DIAPH3: variants seen among roughly 807,000 people sequenced by gnomAD.
DIAPH3 encodes the protein protein diaphanous homolog 3.
In DIAPH3, 117 loss-of-function variants were observed where a neutral mutation model predicts 144.3. The ratio of observed to expected loss-of-function variants is 0.81; its 90% confidence interval spans 0.70 to 0.95. The LOEUF (loss-of-function observed/expected upper bound fraction) is 0.95. Ranked by LOEUF, DIAPH3 falls within the 40% of genes least tolerant of loss-of-function variation. DIAPH3 has a pLI of 0.00. For synonymous variants in DIAPH3, 519 were observed against 488.9 expected, an observed-to-expected ratio of 1.06 and a Z score of -0.81; for missense variants, 1,421 against 1,412.7, an observed-to-expected ratio of 1.01 and a Z score of -0.09.
rs1181809149 is a variant in DIAPH3 at position 59,722,997 on chromosome 13, T to C, written c.3319+51192A>G. Among the ~76,000 whole-genome samples, 3 of 152,174 alleles carry C rather than the reference T, an allele frequency of 2.0e-5. No individual in the cohort carries two copies. The East Asian group carries it at 5.8e-4, about 29-fold the overall frequency. ...CCTATACAGCATGCCAGCACATACA[T>C]ACCCCTTCCAAGAAATGGATTTCCT... On this transcript the variant is annotated intron_variant, in intron 27 of 27. Transcript: ENST00000400324.
intron 23 of DIAPH3, among the ~76,000 whole-genome samples, chr13:59,835,971 A>T (rs749619197): frequency 6.6e-6 from 1 of 151,900 alleles, no homozygotes; most frequent in African/African-American, 2.4e-5. Flanking sequence ...ATAGAATAAC[A>T]CACAAAAAAA....
chr13:59,720,922 T>C (rs1001263369), intron 27 of DIAPH3, among the ~76,000 whole-genome samples: 14 of 152,114 alleles, frequency 9.2e-5, no homozygotes, highest in Non-Finnish European at 1.6e-4. Context: ...AAAGTATATA[T>C]GTAGGGTGGG....
chr13:59,880,151 G>C (rs1229040332), intron 20 of DIAPH3, among the ~76,000 whole-genome samples: 3 of 152,134 alleles, frequency 2.0e-5, no homozygotes, highest in Non-Finnish European at 4.4e-5. Context: ...TTTCTCTACT[G>C]GGAATGTGGG....
At chr13:59,912,577 A>G (rs2047045512) in intron 19 of DIAPH3, among the ~76,000 whole-genome samples, 2 of 152,268 alleles carry the variant, frequency 1.3e-5, no homozygotes, top group Admixed American at 6.5e-5. Context: ...TGATTAAACA[A>G]TCCCTTGGAC....
rs1477779631 is a variant in DIAPH3 at position 59,802,678 on chromosome 13, T to TA, written c.3163+8109_3163+8110insT. 1.2e-4 allele frequency among the ~76,000 whole-genome samples: 8 copies of TA among 69,258 alleles called. No individual in the cohort carries two copies. In the East Asian group the frequency reaches 2.7e-3, roughly 23 times the overall value. The allele number at this position is 69,258 out of a possible 152,430, so 45.4% of individuals were successfully genotyped here. Reference sequence around the variant, plus strand: ...TTATTATTATTATTATTTTTTTTTTTTTTTTTTTTTTTTTGAGACAGAGTC... The same window carrying TA: ...TTATTATTATTATTATTTTTTTTTTTATTTTTTTTTTTTTTGAGACAGAGTC... On this transcript the variant is annotated intron_variant, in intron 25 of 27. Coordinates refer to ENST00000400324, the MANE Select transcript of DIAPH3 (RefSeq NM_001042517.2).
intron 1 of DIAPH3, among the ~76,000 whole-genome samples, chr13:60,135,692 C>A (rs971960488): frequency 1.3e-5 from 2 of 152,142 alleles, no homozygotes; most frequent in Non-Finnish European, 2.9e-5. Flanking sequence ...TTTCTTTCTA[C>A]ACCAAAACAA....
intron 27 of DIAPH3, among the ~76,000 whole-genome samples, chr13:59,700,201 CTAA>C (rs1439495040): frequency 6.6e-6 from 1 of 152,140 alleles, no homozygotes; most frequent in African/African-American, 2.4e-5. Context: ...AAGAGCAATT[CTAA>C]TAATGATGTA....
At chr13:59,804,908 T>C (rs983740893) in intron 25 of DIAPH3, among the ~76,000 whole-genome samples, 4 of 152,166 alleles carry the variant, frequency 2.6e-5, no homozygotes, top group Non-Finnish European at 5.9e-5. Flanking sequence ...GGCAGAGACA[T>C]TCCGAAGTAG....
rs1401535317 is a variant in DIAPH3, at chr13:60,027,908, C to T, written c.627-11763G>A. On this transcript the variant is annotated intron_variant, in intron 5 of 27. Coordinates refer to ENST00000400324, the MANE Select transcript of DIAPH3 (RefSeq NM_001042517.2). ...TGGTCACATTTCAGGCTTTTCACCG[C>T]TTGTCCCCACCCTAAATACTTGTCA... Among the ~76,000 whole-genome samples the T allele has an allele frequency of 2.0e-5, 3 of 152,244 alleles. No homozygotes were observed. In the East Asian group the frequency reaches 5.8e-4, roughly 29 times the overall value.
At chr13:59,795,672 C>A (rs1468771609) in intron 25 of DIAPH3, among the ~76,000 whole-genome samples, 1 of 151,920 alleles carries the variant, frequency 6.6e-6, no homozygotes, top group Non-Finnish European at 1.5e-5. Flanking sequence ...CTAAGATGGT[C>A]TCGATCTCCT....
chr13:59,923,232 G>C lies in DIAPH3; in HGVS notation c.2170+1543C>G, dbSNP rs140693924. Reference sequence around the variant, plus strand: ...ATTCTATTAAACATTATATTTCTTCGGGAACTATTACAAGACTATTTAGAA... The same window carrying C: ...ATTCTATTAAACATTATATTTCTTCCGGAACTATTACAAGACTATTTAGAA... On this transcript the variant is annotated intron_variant, in intron 18 of 27. Transcript: ENST00000400324. Among the ~76,000 whole-genome samples, 14 of 152,130 alleles carry C rather than the reference G, an allele frequency of 9.2e-5. No individual in the cohort carries two copies. In the East Asian group the frequency reaches 2.7e-3, roughly 29 times the overall value.
chr13:59,914,121 G>T (rs1456335780), intron 19 of DIAPH3, among the ~76,000 whole-genome samples: 1 of 151,992 alleles, frequency 6.6e-6, no homozygotes, highest in Non-Finnish European at 1.5e-5. Context: ...ATGAAAAATG[G>T]CAAAACAATG....
intron 27 of DIAPH3, among the ~76,000 whole-genome samples, chr13:59,762,052 CTTTTTTTTTT>C (rs35387511): frequency 3.4e-4 from 20 of 59,520 alleles, no homozygotes; most frequent in Admixed American, 2.0e-3. Context: ...GCGTCAGCAT[CTTTTTTTTTT>C]TTTTTTTTTT....
At chr13:59,878,481 G>A (rs940780741) in intron 21 of DIAPH3, among the ~76,000 whole-genome samples, 5 of 152,110 alleles carry the variant, frequency 3.3e-5, no homozygotes, top group Non-Finnish European at 7.4e-5. Flanking sequence ...GAGTGTGGTT[G>A]TTACGAGGTC....
intron 2 of DIAPH3, among the ~76,000 whole-genome samples, chr13:60,113,923 C>A (rs1294974833): frequency 6.6e-6 from 1 of 152,146 alleles, no homozygotes; most frequent in African/African-American, 2.4e-5. Context: ...CAACTGAATG[C>A]GGTAGTAAGC....
intron 20 of DIAPH3, among the ~76,000 whole-genome samples, chr13:59,880,946 G>A (rs2044982296): frequency 9.1e-6 from 1 of 109,900 alleles, no homozygotes; most frequent in Non-Finnish European, 1.9e-5. Context: ...CCACTGTCTA[G>A]GAAAAACAAA....
chr13:59,940,635 CCTTT>C (rs2048481460), intron 17 of DIAPH3, among the ~76,000 whole-genome samples: 1 of 152,112 alleles, frequency 6.6e-6, no homozygotes, highest in South Asian at 2.1e-4. Flanking sequence ...AGACTCAAAT[CCTTT>C]TTTTCCCAAT....
rs1330690094 is a variant in DIAPH3 at position 59,666,283 on chromosome 13, T to C, written c.*301A>G. On this transcript the variant is annotated 3_prime_UTR_variant, in exon 28 of 28. Coordinates refer to ENST00000400324, the MANE Select transcript of DIAPH3 (RefSeq NM_001042517.2). ...TCTTAAGGACACACTGCTGAACACA[T>C]GGCCACCTACCTGCTCTCTAAAGCA... 1 of 305,416 alleles carries C rather than the reference T, an allele frequency of 3.3e-6. No homozygotes were observed. The highest frequency in any genetic ancestry group is 5.9e-6 in the Non-Finnish European group (1 of 168,722). The allele number at this position is 305,416 out of a possible 1,614,324, so 18.9% of individuals were successfully genotyped here.
intron 27 of DIAPH3, among the ~76,000 whole-genome samples, chr13:59,700,129 G>A (rs1245247613): frequency 6.6e-6 from 1 of 152,064 alleles, no homozygotes; most frequent in Admixed American, 6.6e-5. Context: ...TTTAGTTAGC[G>A]TTACCACCAT....
Sources: allele counts gnomAD v4.1 joint callset (sites outside exome capture counted in the v4.1 genomes callset), GRCh38; gene constraint gnomAD v4.1.1; transcripts MANE v1.5; gene names NCBI Gene and HGNC (gene_info 2026-07-23, HGNC 2026-07-21).